The following ZBBX variants were observed in gnomAD, a reference collection of about 807,000 sequenced individuals.
The protein encoded by ZBBX is zinc finger B-box domain containing.
In ZBBX, 101 loss-of-function variants were observed where a neutral mutation model predicts 108.5. The observed-to-expected ratio is 0.93, with a 90% CI of 0.79 to 1.10. The LOEUF is 1.10. Ranked by LOEUF, ZBBX falls within the 50% of genes least tolerant of loss-of-function variation. The pLI, the probability that ZBBX is intolerant of heterozygous loss-of-function variation, is 0.00. For missense variants in ZBBX, 1,009 were observed against 941.4 expected (o/e 1.07, Z -0.94); for synonymous variants, 356 against 323.4 (o/e 1.10, Z -1.08).
intron 9 of ZBBX, among the ~76,000 whole-genome samples, chr3:167,335,260 A>G (rs1320499376): frequency 6.6e-6 from 1 of 152,170 alleles, no homozygotes; most frequent in Non-Finnish European, 1.5e-5. Context: ...GGTGTCAGGG[A>G]AGGAAAAGAG....
At chr3:167,372,713 C>T (rs1746338549) in intron 4 of ZBBX, 121 bp downstream of exon 4, 1 of 547,354 alleles carries the variant, frequency 1.8e-6, no homozygotes, top group South Asian at 3.0e-5. Flanking sequence ...AAGCTATATT[C>T]TTATAGATAA....
At chr3:167,273,733 G>T (rs1320371333) in intron 20 of ZBBX, among the ~76,000 whole-genome samples, 1 of 152,010 alleles carries the variant, frequency 6.6e-6, no homozygotes, top group Non-Finnish European at 1.5e-5. Flanking sequence ...CTTTCACCCT[G>T]GCAGTTCATC....
At chr3:167,337,953 T>A (rs1218123508) in intron 9 of ZBBX, among the ~76,000 whole-genome samples, 1 of 152,200 alleles carries the variant, frequency 6.6e-6, no homozygotes, top group Non-Finnish European at 1.5e-5. Context: ...AAAATTTAAA[T>A]GTGAAGTATT....
intron 11 of ZBBX, among the ~76,000 whole-genome samples, chr3:167,326,591 A>G (rs758307216): frequency 4.6e-5 from 7 of 152,108 alleles, no homozygotes; most frequent in Non-Finnish European, 1.0e-4. Context: ...ATTTCTATAG[A>G]ATAATTAGTA....
At chr3:167,277,370 C>G (rs1317883744) in intron 20 of ZBBX, among the ~76,000 whole-genome samples, 1 of 152,090 alleles carries the variant, frequency 6.6e-6, no homozygotes, top group African/African-American at 2.4e-5. Context: ...CGTGCAGAGA[C>G]ACACATAGGC....
rs1295709778 is a variant in ZBBX at position 167,337,215 on chromosome 3, G to A, written c.529-3230C>T. Among the ~76,000 whole-genome samples, 4 of 152,086 alleles carry A rather than the reference G, an allele frequency of 2.6e-5. No homozygotes were observed. In the East Asian group the frequency reaches 7.7e-4, roughly 29 times the overall value. ...AACTATAGTTTAATTATATTAACAT[G>A]AGCTGATAAAAGCTTATTTAGGCTG... On this transcript the variant is annotated intron_variant, in intron 9 of 21. Transcript: ENST00000675490.
At chr3:167,232,282 C>T in the ZBBX span, among the ~76,000 whole-genome samples, 1 of 151,632 alleles carries the variant, frequency 6.6e-6, no homozygotes, top group Non-Finnish European at 1.5e-5. Context: ...AAGAGGAGAG[C>T]GATGCTGTCA....
chr3:167,322,648 C>T lies in ZBBX; in HGVS notation c.863-411G>A, dbSNP rs113078866. ...ACAGGAAATAAATAATTCATAATGA[C>T]ATCTGGAGGAGACAATTTTCTTCAC... On this transcript the variant is annotated intron_variant, in intron 11 of 21. Transcript: ENST00000675490. Among the ~76,000 whole-genome samples the T allele has an allele frequency of 6.2e-3, 949 of 152,130 alleles. 7 individuals are homozygous for T. The highest frequency in any genetic ancestry group is 0.02 in the African/African-American group (847 of 41,546).
intron 20 of ZBBX, among the ~76,000 whole-genome samples, chr3:167,273,931 T>C (rs943629934): frequency 1.3e-5 from 2 of 152,160 alleles, no homozygotes; most frequent in Non-Finnish European, 2.9e-5. Context: ...AAAATGTAGA[T>C]TGGATAAATT....
At chr3:167,205,410 T>G in the ZBBX span, among the ~76,000 whole-genome samples, 3 of 152,144 alleles carry the variant, frequency 2.0e-5, no homozygotes, top group Non-Finnish European at 4.4e-5. Context: ...AAAGAAGAGC[T>G]TTAGTCTTCC....
At chr3:167,406,079 A>G (rs2108646093) in intron 1 of ZBBX, among the ~76,000 whole-genome samples, 1 of 152,224 alleles carries the variant, frequency 6.6e-6, no homozygotes, top group Admixed American at 6.5e-5. Context: ...AAAAATTAAT[A>G]AATTCTTCCC....
intron 11 of ZBBX, among the ~76,000 whole-genome samples, chr3:167,323,034 G>A (rs1736705253): frequency 6.6e-6 from 1 of 151,960 alleles, no homozygotes; most frequent in African/African-American, 2.4e-5. Flanking sequence ...AATAAAGTAA[G>A]GAATCCCACT....
At chr3:167,194,569 A>G in the ZBBX span, among the ~76,000 whole-genome samples, 1 of 152,236 alleles carries the variant, frequency 6.6e-6, no homozygotes. Flanking sequence ...CTGAGCAAAT[A>G]TAAAAAATAT....
the ZBBX span, among the ~76,000 whole-genome samples, chr3:167,231,927 T>A: frequency 6.6e-6 from 1 of 151,810 alleles, no homozygotes; most frequent in South Asian, 2.1e-4. Flanking sequence ...ATAGAATAAT[T>A]TTTCTAAATC....
rs1191328631 is a variant in ZBBX, at chr3:167,348,214, G to C, written c.528+2206C>G. ...AAGATGAAAGAAGGAAGGAAGGAAGGAAGCAAGGGAGGGAGGAGGGAAGGA... is the reference window on the plus strand; with the variant it reads ...AAGATGAAAGAAGGAAGGAAGGAAGCAAGCAAGGGAGGGAGGAGGGAAGGA... On this transcript the variant is annotated intron_variant, in intron 9 of 21. Coordinates refer to ENST00000675490, the MANE Select transcript of ZBBX (RefSeq NM_001199201.2). Among the ~76,000 whole-genome samples the C allele has an allele frequency of 1.7e-3, 77 of 45,392 alleles. 1 individual carries two copies. In the East Asian group the frequency reaches 0.028, roughly 17 times the overall value. The allele number at this position is 45,392 out of a possible 152,430, so 29.8% of individuals were successfully genotyped here.
At chr3:167,269,911 C>T (rs531655604) in intron 20 of ZBBX, among the ~76,000 whole-genome samples, 1 of 152,320 alleles carries the variant, frequency 6.6e-6, no homozygotes, top group South Asian at 2.1e-4. Context: ...GGCACATTCA[C>T]TTTTAAGTGG....
chr3:167,222,100 A>G, the ZBBX span, among the ~76,000 whole-genome samples: 2 of 152,016 alleles, frequency 1.3e-5, no homozygotes, highest in Admixed American at 6.6e-5. Flanking sequence ...AGATAGCTGC[A>G]CTTCTATGTT....
the ZBBX span, among the ~76,000 whole-genome samples, chr3:167,195,203 G>A: frequency 2.0e-5 from 3 of 152,134 alleles, no homozygotes; most frequent in African/African-American, 7.2e-5. Flanking sequence ...CAAAGACCTG[G>A]CTGGGATGGA....
intron 17 of ZBBX, among the ~76,000 whole-genome samples, chr3:167,301,818 G>C (rs1018488402): frequency 4.0e-5 from 6 of 151,828 alleles, no homozygotes; most frequent in African/African-American, 1.5e-4. Flanking sequence ...TTAGCCAGGC[G>C]TACTGGTGGG....
Sources: allele counts gnomAD v4.1 joint callset (sites outside exome capture counted in the v4.1 genomes callset), GRCh38; gene constraint gnomAD v4.1.1; transcripts MANE v1.5; gene names NCBI Gene and HGNC (gene_info 2026-07-23, HGNC 2026-07-21).